SH3TC2: variants seen among roughly 807,000 people sequenced by gnomAD.
The protein encoded by SH3TC2 is SH3 domain and tetratricopeptide repeat-containing protein 2.
A neutral mutation model predicts 124.5 loss-of-function variants in SH3TC2; 87 were observed. The ratio of observed to expected loss-of-function variants is 0.70; its 90% CI spans 0.59 to 0.84. The LOEUF (loss-of-function observed/expected upper bound fraction) is 0.84, where lower values mean the gene tolerates loss of function less well. SH3TC2 is among the 40% of genes least tolerant of loss of function. The probability of loss-of-function intolerance (pLI) is 0.00; values close to 1 mark genes in which losing one functional copy is unlikely to be tolerated. For synonymous variants in SH3TC2, 634 were observed against 628.5 expected (o/e 1.01, Z -0.13); for missense variants, 1,536 against 1,566.4 (o/e 0.98, Z 0.33).
chr5:148,986,392 G>T lies in SH3TC2; in HGVS notation c.*18319C>A, dbSNP rs998263623. On this transcript the variant is annotated 3_prime_UTR_variant, in exon 17 of 17. Coordinates refer to ENST00000515425, the MANE Select transcript of SH3TC2 (RefSeq NM_024577.4). ...CTTCCATTAGGTCCCAGCTCTAAAT[G>T]ATAGACTTAGTGAGAAAACGGAAGC... Among the ~76,000 whole-genome samples, 1 of 152,152 alleles carries T rather than the reference G, an allele frequency of 6.6e-6. No homozygotes were observed. Among genetic ancestry groups the T allele is most frequent in the Non-Finnish European group, 1.5e-5 (1 of 68,020 alleles).
Position 149,007,047 on chromosome 5 carries a change from T to C in SH3TC2, c.3509A>G (p.His1170Arg), listed in dbSNP as rs763837815. ...GDQRQELVAFHRLATVYYSLH... is the reference protein window; with the variant it reads ...GDQRQELVAFRRLATVYYSLH... ...GGAGTAGTACACTGTAGCCAGGCGG[T>C]GAAAGGCCACCAGCTCTTGCCTCTG... Residue 1170 changes from histidine (H) to arginine (R), a missense_variant, in exon 16 of 17, where the codon CAC (histidine) becomes CGC (arginine). Physicochemically the swap from His to Arg is conservative, Grantham distance 29. Coordinates refer to ENST00000515425, the MANE Select transcript of SH3TC2 (RefSeq NM_024577.4). 3 of 1,614,094 alleles carry C rather than the reference T, an allele frequency of 1.9e-6. No individual in the cohort carries two copies. The highest frequency in any genetic ancestry group is 2.5e-6 in the Non-Finnish European group (3 of 1,180,018).
At position 149,027,521 on chromosome 5, in the gene SH3TC2, G is replaced by T. The variant is rs1318388071; in HGVS notation, c.2211C>A (p.Cys737Ter). Reference protein sequence around the residue: ...PGWGEVSALACPMLRQALAAC... With the variant: ...PGWGEVSALA ...CAGCCAGGGCCTGTCTGAGCATTGG[G>T]CAGGCCAAGGCAGAAACTTCACCCC... The change falls in exon 11 of 17, where the codon TGC (cysteine) becomes TGA (stop). Residue 737 changes from cysteine to a stop codon, truncating the protein, a stop_gained. Coordinates refer to ENST00000515425, the MANE Select transcript of SH3TC2 (RefSeq NM_024577.4). LOFTEE classifies it high-confidence loss of function. 1.9e-6 allele frequency: 3 copies of T among 1,614,196 alleles called. No individual in the cohort carries two copies. The highest frequency in any genetic ancestry group is 2.5e-6 in the Non-Finnish European group (3 of 1,180,026).
In SH3TC2 at chr5:148,987,987, C is replaced by T. The variant is rs993052373; in HGVS notation, c.*16724G>A. 5.3e-5 allele frequency among the ~76,000 whole-genome samples: 8 copies of T among 152,014 alleles called. No individual in the cohort carries two copies. The highest frequency in any genetic ancestry group is 4.6e-4 in the Admixed American group (7 of 15,250). On this transcript the variant is annotated 3_prime_UTR_variant, in exon 17 of 17. Transcript: ENST00000515425. ...TCTCCAGATACCCACAAGGAAGTGC[C>T]GAGAATGCTGTTGCACCTCCTCTGG...
chr5:149,052,072 T>A lies in SH3TC2; in HGVS notation c.151+70A>T, dbSNP rs1013468559. On this transcript the variant is annotated intron_variant, in intron 2 of 16. Transcript: ENST00000515425. The stretch of plus-strand genomic sequence containing the variant: ...GGGAAAGAGGGAGGGGCTCTTTAGA[T>A]GGGAAAGATAAAGAGGTTATCGCAA... The A allele has an allele frequency of 1.3e-5, 14 of 1,091,610 alleles. No homozygotes were observed. In the Admixed American group the frequency reaches 2.4e-4, roughly 18 times the overall value. The allele number at this position is 1,091,610 out of a possible 1,614,324, so 67.6% of individuals were successfully genotyped here. A position where few individuals can be genotyped will look rare whatever the true frequency, so the allele number is the denominator to read the frequency against.
In SH3TC2 at chr5:149,042,805, AGAG is replaced by A. The variant is rs1304211092; in HGVS notation, c.415_417del (p.Leu139del). The A allele has an allele frequency of 3.7e-6, 6 of 1,614,050 alleles. No homozygotes were observed. In the African/African-American group the frequency reaches 6.7e-5, roughly 18 times the overall value. On this transcript the variant is annotated inframe_deletion, in exon 5 of 17. Transcript: ENST00000515425. ...CAGTTGAGCCAGTACTTGTGGTCAA[AGAG>A]GAGATGTTCTAGACACATGGATACG...
At position 149,004,731 on chromosome 5, in the gene SH3TC2, C is replaced by A. The variant is rs370844006; in HGVS notation, c.3847G>T (p.Gly1283Cys). ...TTTCCTCAGAGGGCCAGGCCACCAC[C>A]ACTCAGCCACCGCGCCCTCTCTGAG... Reference protein sequence around the residue: ...CSSERARWLSGGGLAL With the variant: ...CSSERARWLSCGGLAL Residue 1283 changes from glycine (G) to cysteine (C), a missense_variant, in exon 17 of 17, where the codon GGT (glycine) becomes TGT (cysteine). Transcript: ENST00000515425. 4.3e-6 allele frequency: 7 copies of A among 1,613,410 alleles called. No homozygotes were observed. The highest frequency in any genetic ancestry group is 1.8e-4 in the Middle Eastern group (1 of 5,702).
chr5:149,038,177 T>C, intron 8 of SH3TC2, 118 bp downstream of exon 8: 2 of 899,310 alleles, frequency 2.2e-6, no homozygotes, highest in Non-Finnish European at 3.6e-6. Flanking sequence ...AGCATGTGCT[T>C]TTCTGGCTCC....
At chr5:149,020,976 G>A (rs1753959167) in intron 12 of SH3TC2, among the ~76,000 whole-genome samples, 2 of 152,016 alleles carry the variant, frequency 1.3e-5, no homozygotes, top group Admixed American at 6.6e-5. Context: ...AACAACAACA[G>A]AATACACATT....
In SH3TC2 at chr5:149,040,478, C is replaced by T. The variant is rs1051157480; in HGVS notation, c.805+126G>A. On this transcript the variant is annotated intron_variant, in intron 7 of 16. Transcript: ENST00000515425. ...TGTGCACAGACAGAAACTGGCTTCC[C>T]TAAATCCAGTTCCTAGCAGAGACGA... 22 of 875,278 alleles carry T rather than the reference C, an allele frequency of 2.5e-5. No individual in the cohort carries two copies. The African/African-American group carries it at 3.6e-4, about 14-fold the overall frequency. The allele number at this position is 875,278 out of a possible 1,614,324, so 54.2% of individuals were successfully genotyped here.
intron 12 of SH3TC2, among the ~76,000 whole-genome samples, chr5:149,025,432 G>A (rs1432045011): frequency 3.3e-5 from 5 of 152,158 alleles, no homozygotes; most frequent in Non-Finnish European, 7.3e-5. Flanking sequence ...TATATATATA[G>A]TCATTTAATT....
chr5:149,012,787 T>A, intron 12 of SH3TC2, 53 bp from the exon 13 acceptor site: 1 of 1,601,448 alleles, frequency 6.2e-7, no homozygotes, highest in Non-Finnish European at 8.5e-7. Context: ...GGCCTTAGGG[T>A]CCACTCAGCA....
At chr5:149,015,065 C>A (rs764121069) in intron 12 of SH3TC2, among the ~76,000 whole-genome samples, 5 of 152,218 alleles carry the variant, frequency 3.3e-5, no homozygotes, top group African/African-American at 1.2e-4. Context: ...TTGCTTCTGG[C>A]ACTTTCTCCC....
chr5:149,007,310 A>T (rs1044792067), intron 15 of SH3TC2: 4 of 625,666 alleles, frequency 6.4e-6, no homozygotes, highest in Admixed American at 2.6e-5. Flanking sequence ...CATAAATGCT[A>T]CAAAAGAAAA....
intron 1 of SH3TC2, among the ~76,000 whole-genome samples, chr5:149,054,872 G>A (rs898809011): frequency 4.6e-5 from 7 of 152,154 alleles, no homozygotes; most frequent in Non-Finnish European, 1.0e-4. Flanking sequence ...TGACAATGAG[G>A]GCTTGTGAGG....
intron 9 of SH3TC2, among the ~76,000 whole-genome samples, chr5:149,031,073 G>A (rs1202074633): frequency 6.6e-6 from 1 of 152,236 alleles, no homozygotes; most frequent in African/African-American, 2.4e-5. Context: ...GTGTGGTAAA[G>A]TGGATTGCTC....
In SH3TC2 at chr5:149,056,914, AT is replaced by A. The variant is rs1754658378; in HGVS notation, c.53-4675del. ...ATAGAATAAATTACCTTCGAAAAAA[AT>A]GTATGATTTTTATAACTGAAAGAAA... is the stretch of plus-strand genomic sequence containing the variant. On this transcript the variant is annotated intron_variant, in intron 1 of 16. Transcript: ENST00000515425. Among the ~76,000 whole-genome samples the A allele has an allele frequency of 2.0e-5, 3 of 152,352 alleles. No homozygotes were observed. The South Asian group carries it at 6.2e-4, about 32-fold the overall frequency.
Position 149,000,529 on chromosome 5 carries a change from T to C in SH3TC2, c.*4182A>G, listed in dbSNP as rs886060177. Among the ~76,000 whole-genome samples the C allele has an allele frequency of 1.5e-4, 23 of 152,368 alleles. No individual in the cohort carries two copies. The highest frequency in any genetic ancestry group is 3.4e-3 in the Middle Eastern group (1 of 294). ...GAAAACAATACAAGTTTTTCTTCTA[T>C]ATAGACTAGTCATCCCTTATAAAAA... On this transcript the variant is annotated 3_prime_UTR_variant, in exon 17 of 17. Transcript: ENST00000515425.
rs74919252 is a variant in SH3TC2, at chr5:149,013,319, G to T, written c.3054-585C>A. On this transcript the variant is annotated intron_variant, in intron 12 of 16. Coordinates refer to ENST00000515425, the MANE Select transcript of SH3TC2 (RefSeq NM_024577.4). ...ATGAGATCTGATGGTTGTATCAAGGGTAGTTCCCCTGCCATTTAAGATGTG... is the reference window on the plus strand; with the variant it reads ...ATGAGATCTGATGGTTGTATCAAGGTTAGTTCCCCTGCCATTTAAGATGTG... 4.5e-3 allele frequency among the ~76,000 whole-genome samples: 689 copies of T among 152,090 alleles called. 5 individuals carry two copies. Among genetic ancestry groups the T allele is most frequent in the African/African-American group, 0.016 (664 of 41,494 alleles).
Position 149,038,463 on chromosome 5 carries a change from C to G in SH3TC2, c.833G>C (p.Gly278Ala), listed in dbSNP as rs757292503. The change falls in exon 8 of 17, where the codon GGT (glycine) becomes GCT (alanine). Residue 278 changes from glycine (G) to alanine (A), a missense_variant. Coordinates refer to ENST00000515425, the MANE Select transcript of SH3TC2 (RefSeq NM_024577.4). ...IGRGRCKALT[G>A]YEPGEKDELN... is the part of the protein sequence containing the mutation. ...TTCATCCTTTTCTCCTGGCTCATAACCCGTCAAGGCCTTACAGCGTCCTCT... is the reference window on the plus strand; with the variant it reads ...TTCATCCTTTTCTCCTGGCTCATAAGCCGTCAAGGCCTTACAGCGTCCTCT... 2 of 1,613,962 alleles carry G rather than the reference C, an allele frequency of 1.2e-6. No individual in the cohort carries two copies.
Sources: allele counts gnomAD v4.1 joint callset (sites outside exome capture counted in the v4.1 genomes callset), GRCh38; gene constraint gnomAD v4.1.1; transcripts MANE v1.5; gene names NCBI Gene and HGNC (gene_info 2026-07-23, HGNC 2026-07-21).